DEPDC1: variants seen among roughly 807,000 people sequenced by gnomAD.
DEPDC1 encodes the protein DEP domain-containing protein 1A.
In DEPDC1, 66 loss-of-function variants were observed where a neutral mutation model predicts 86.8. That is an observed-to-expected ratio of 0.76 (90% confidence interval 0.62 to 0.93). The LOEUF (loss-of-function observed/expected upper bound fraction) is 0.93. Among genes scored for constraint, DEPDC1 ranks in the 40% least tolerant of loss-of-function variants. The pLI, the probability that DEPDC1 is intolerant of heterozygous loss-of-function variation, is 0.00. For synonymous variants in DEPDC1, 255 were observed against 314.9 expected (o/e 0.81, Z 2.02); for missense variants, 792 against 935.7 (o/e 0.85, Z 2.00).
Position 68,496,378 on chromosome 1 carries a change from G to A in DEPDC1, c.48+574C>T, listed in dbSNP as rs116532975. ...AGACCCAACTGCACAAAACGCGTTA[G>A]GAGTGCTGTACGTGCAATTCAGGGA... is the stretch of plus-strand genomic sequence containing the variant. On this transcript the variant is annotated intron_variant, in intron 1 of 11. Transcript: ENST00000456315. This position sits in a 1 kb window ranked among gnomAD's most constrained non-coding sequence, Gnocchi z 4.0. Among the ~76,000 whole-genome samples, 509 of 152,334 alleles carry A rather than the reference G, an allele frequency of 3.3e-3. 3 individuals are homozygous for A. The highest frequency in any genetic ancestry group is 0.011 in the African/African-American group (464 of 41,580).
intron 2 of DEPDC1, among the ~76,000 whole-genome samples, chr1:68,493,887 C>T (rs1047878854): frequency 5.3e-5 from 8 of 152,008 alleles, no homozygotes; most frequent in East Asian, 1.9e-4. Context: ...TTAGTAGAGA[C>T]GGGGTTTCAC....
intron 6 of DEPDC1, among the ~76,000 whole-genome samples, chr1:68,486,476 T>C (rs1256974013): frequency 1.3e-5 from 2 of 152,002 alleles, no homozygotes; most frequent in Non-Finnish European, 2.9e-5. Flanking sequence ...CTCAAGTATT[T>C]CTTTACAGCA....
At chr1:68,480,669 A>G (rs1454106589) in intron 9 of DEPDC1, among the ~76,000 whole-genome samples, 1 of 152,024 alleles carries the variant, frequency 6.6e-6, no homozygotes, top group Non-Finnish European at 1.5e-5. Context: ...TGTCTCTGAA[A>G]ACATCTTCCT....
rs749231942 is a variant in DEPDC1 at position 68,481,578 on chromosome 1, G to A, written c.1797C>T (p.Ile599=). The change falls in exon 9 of 12, where the codon ATC becomes ATT. Residue 599 remains isoleucine (I), a synonymous_variant. Transcript: ENST00000456315. ...ACAAACAACATAACTGTAGAGCATCGATGGCAACCCTCTCTAAATGAGGTT... is the reference window on the plus strand; with the variant it reads ...ACAAACAACATAACTGTAGAGCATCAATGGCAACCCTCTCTAAATGAGGTT... ...LLQPHLERVA[I]DALQLCCLLL... is the part of the protein sequence containing the mutation. 8 of 1,608,158 alleles carry A rather than the reference G, an allele frequency of 5.0e-6. No individual in the cohort carries two copies. The highest frequency in any genetic ancestry group is 2.2e-5 in the South Asian group (2 of 90,374).
chr1:68,483,300 A>G (rs774088288), intron 7 of DEPDC1: 2 of 519,978 alleles, frequency 3.8e-6, no homozygotes, highest in Admixed American at 1.9e-5. Flanking sequence ...AAATCCTTGA[A>G]ATTTCCTGAA....
chr1:68,481,659 G>A (rs954376860), intron 8 of DEPDC1, 47 bp from the exon 9 acceptor site: 2 of 1,461,194 alleles, frequency 1.4e-6, no homozygotes, highest in African/African-American at 2.8e-5. Context: ...GACACTAGTT[G>A]CTTTCATACT....
In DEPDC1 at chr1:68,482,057, G is replaced by A. The variant is rs1324013206; in HGVS notation, c.1751C>T (p.Thr584Ile). The A allele has an allele frequency of 1.3e-6, 2 of 1,590,396 alleles. No individual in the cohort carries two copies. Among genetic ancestry groups the A allele is most frequent in the Admixed American group, 1.8e-5 (1 of 55,738 alleles). The change falls in exon 8 of 12, where the codon ACT becomes ATT. Residue 584 changes from threonine to isoleucine, a missense_variant. Physicochemically the swap from Thr to Ile is moderately conservative, Grantham distance 89. Coordinates refer to ENST00000456315, the MANE Select transcript of DEPDC1 (RefSeq NM_001114120.3). ...NSLLPASSML[T>I]GTQSLLQPHL... is the part of the protein sequence containing the mutation. ...AGCAACAGCCTTACTTTGTGTGCCA[G>A]TCAACATAGAAGAAGCTGGAAGTAA...
Position 68,487,401 on chromosome 1 carries a change from T to C in DEPDC1, c.722-417A>G, listed in dbSNP as rs536717801. Among the ~76,000 whole-genome samples the C allele has an allele frequency of 4.6e-5, 7 of 152,138 alleles. No individual in the cohort carries two copies. The South Asian group carries it at 1.2e-3, about 27-fold the overall frequency. ...ATTTGGGTGAGACCTAAGATTGAAA[T>C]GAACTGTATCTCACTATTATGCTGC... is the stretch of plus-strand genomic sequence containing the variant. On this transcript the variant is annotated intron_variant, in intron 5 of 11. Coordinates refer to ENST00000456315, the MANE Select transcript of DEPDC1 (RefSeq NM_001114120.3).
In DEPDC1 at chr1:68,496,763, G is replaced by A; in HGVS notation, c.48+189C>T. 2 of 570,756 alleles carry A rather than the reference G, an allele frequency of 3.5e-6. No individual in the cohort carries two copies. The highest frequency in any genetic ancestry group is 3.2e-5 in the East Asian group (1 of 31,228). 35.4% of individuals were successfully genotyped at this position (570,756 alleles called of 1,614,324 possible). On this transcript the variant is annotated intron_variant, in intron 1 of 11. Coordinates refer to ENST00000456315, the MANE Select transcript of DEPDC1 (RefSeq NM_001114120.3). The surrounding 1 kb of genome is among the most constrained non-coding windows in gnomAD (Gnocchi z 4.0). Reference sequence around the variant, plus strand: ...ACCTGAGGCCCAGACCCTCAAAATAGAGGGAGCGGTGAGTCTGGCAAGGGT... The same window carrying A: ...ACCTGAGGCCCAGACCCTCAAAATAAAGGGAGCGGTGAGTCTGGCAAGGGT...
intron 7 of DEPDC1, 125 bp from the exon 8 acceptor site, chr1:68,483,022 C>G: frequency 1.9e-6 from 2 of 1,028,172 alleles, no homozygotes; most frequent in Non-Finnish European, 2.8e-6. Context: ...ATAGTATACA[C>G]AGTAGTTGCT....
chr1:68,486,748 C>T (rs923597881), intron 6 of DEPDC1, among the ~76,000 whole-genome samples, 189 bp downstream of exon 6: 2 of 151,792 alleles, frequency 1.3e-5, no homozygotes, highest in African/African-American at 4.8e-5. Context: ...CCTTTCTAAA[C>T]AGAAAAAATT....
Position 68,482,479 on chromosome 1 carries a change from T to C in DEPDC1, c.1329A>G (p.Gln443=), listed in dbSNP as rs559933013. Residue 443 remains glutamine (Q), a synonymous_variant, in exon 8 of 12, where the codon CAA becomes CAG. Coordinates refer to ENST00000456315, the MANE Select transcript of DEPDC1 (RefSeq NM_001114120.3). ...TTTGTCCTTCTATGTTCGGAAAAGA[T>C]TGATGAAAGACACTGGATGCCTCTT... The part of the protein sequence containing the change: ...SSKEASSVFH[Q]SFPNIEGQNN... 135 of 1,613,058 alleles carry C rather than the reference T, an allele frequency of 8.4e-5. No homozygotes were observed. Among genetic ancestry groups the C allele is most frequent in the Admixed American group, 1.3e-4 (8 of 59,868 alleles).
At position 68,482,775 on chromosome 1, in the gene DEPDC1, G is replaced by A. The variant is rs781462753; in HGVS notation, c.1033C>T (p.Leu345Phe). ...TCTCTATGAAGCAGACTGAGAAGAA[G>A]GCACTCAGTTGATTTGAAGGAATTC... ...NLNSFKSTEC[L>F]LLSLLHREKN... The change falls in exon 8 of 12, where the codon CTT becomes TTT. Residue 345 changes from leucine (L) to phenylalanine (F), a missense_variant. Coordinates refer to ENST00000456315, the MANE Select transcript of DEPDC1 (RefSeq NM_001114120.3). 13 of 1,612,642 alleles carry A rather than the reference G, an allele frequency of 8.1e-6. No individual in the cohort carries two copies. The Admixed American group carries it at 1.7e-4, about 21-fold the overall frequency.
chr1:68,486,221 T>A (rs947134139), intron 6 of DEPDC1, among the ~76,000 whole-genome samples: 1 of 151,942 alleles, frequency 6.6e-6, no homozygotes, highest in Non-Finnish European at 1.5e-5. Context: ...GGGGGTGTAT[T>A]TCCCCTTTGG....
chr1:68,478,417 CTGAAA>C lies in DEPDC1; in HGVS notation c.2113-450_2113-446del, dbSNP rs1369913080. On this transcript the variant is annotated intron_variant, in intron 10 of 11. Transcript: ENST00000456315. Reference sequence around the variant, plus strand: ...AGGTAGTAGATGATCAGCATATTTACTGAAATGAAATATTTTTAGTTTTCATGTAT... The same window carrying C: ...AGGTAGTAGATGATCAGCATATTTACTGAAATATTTTTAGTTTTCATGTAT... 6.0e-5 allele frequency among the ~76,000 whole-genome samples: 9 copies of C among 149,332 alleles called. No individual in the cohort carries two copies. The East Asian group carries it at 1.4e-3, about 23-fold the overall frequency.
chr1:68,496,601 CG>C lies in DEPDC1; in HGVS notation c.48+350del, dbSNP rs1370189292. The C allele has an allele frequency of 1.2e-5, 3 of 256,802 alleles. No homozygotes were observed. The highest frequency in any genetic ancestry group is 1.5e-5 in the Non-Finnish European group (2 of 135,682). The allele number at this position is 256,802 out of a possible 1,614,324, so 15.9% of individuals were successfully genotyped here. A position where few individuals can be genotyped will look rare whatever the true frequency, so the allele number is the denominator to read the frequency against. The stretch of plus-strand genomic sequence containing the variant: ...TCCCAATTGTTCCCTAATTCTGAGG[CG>C]GGTAGAAAATCAGGCGAGGTGAGCG... On this transcript the variant is annotated intron_variant, in intron 1 of 11. Transcript: ENST00000456315. This position sits in a 1 kb window ranked among gnomAD's most constrained non-coding sequence, Gnocchi z 4.0.
chr1:68,491,755 A>G (rs1303694827), intron 2 of DEPDC1, among the ~76,000 whole-genome samples: 2 of 151,824 alleles, frequency 1.3e-5, no homozygotes, highest in African/African-American at 4.8e-5. Flanking sequence ...TCACTTTATC[A>G]TATCTTTTAC....
Position 68,497,069 on chromosome 1 carries a change from G to A in DEPDC1, c.-70C>T. 1.9e-6 allele frequency: 3 copies of A among 1,541,482 alleles called. No homozygotes were observed. Among genetic ancestry groups the A allele is most frequent in the Non-Finnish European group, 2.7e-6 (3 of 1,118,772 alleles). ...CTCAGGCCCAGCGGCCGCGGCAGTGGCGAGTCTCGGCACAACCGTTGGCCC... is the reference window on the plus strand; with the variant it reads ...CTCAGGCCCAGCGGCCGCGGCAGTGACGAGTCTCGGCACAACCGTTGGCCC... On this transcript the variant is annotated 5_prime_UTR_variant, in exon 1 of 12. Coordinates refer to ENST00000456315, the MANE Select transcript of DEPDC1 (RefSeq NM_001114120.3).
In DEPDC1 at chr1:68,476,773, A is replaced by G. The variant is rs1646118110; in HGVS notation, c.*159T>C. On this transcript the variant is annotated 3_prime_UTR_variant, in exon 12 of 12. Transcript: ENST00000456315. Reference sequence around the variant, plus strand: ...CAATTGAGATCTAGTTAGTTTCCTAAGAGTCTCACATTGATAACTATTTTG... The same window carrying G: ...CAATTGAGATCTAGTTAGTTTCCTAGGAGTCTCACATTGATAACTATTTTG... 1 of 576,094 alleles carries G rather than the reference A, an allele frequency of 1.7e-6. No individual in the cohort carries two copies. 35.7% of individuals were successfully genotyped at this position (576,094 alleles called of 1,614,324 possible). A position where few individuals can be genotyped will look rare whatever the true frequency, so the allele number is the denominator to read the frequency against.
Sources: allele counts gnomAD v4.1 joint callset (sites outside exome capture counted in the v4.1 genomes callset), GRCh38; gene constraint gnomAD v4.1.1; non-coding constraint Gnocchi (gnomAD v3.1); transcripts MANE v1.5; gene names NCBI Gene and HGNC (gene_info 2026-07-23, HGNC 2026-07-21).